The following NCKAP5 variants were observed in gnomAD, a reference collection of about 807,000 sequenced individuals.
The protein encoded by NCKAP5 is nck-associated protein 5.
A neutral mutation model predicts 167.0 loss-of-function variants in NCKAP5; 92 were observed. The observed-to-expected ratio is 0.55, with a 90% CI of 0.47 to 0.66. NCKAP5 has a LOEUF of 0.66. NCKAP5 is among the 30% of genes least tolerant of loss of function. The pLI, the probability that NCKAP5 is intolerant of heterozygous loss-of-function variation, is 0.00. For synonymous variants in NCKAP5, 891 were observed against 877.4 expected, an observed-to-expected ratio of 1.02 and a Z score of -0.27; for missense variants, 2,378 against 2,315.0, an observed-to-expected ratio of 1.03 and a Z score of -0.56.
chr2:133,157,291 T>G (rs1217355658), intron 5 of NCKAP5, among the ~76,000 whole-genome samples: 1 of 152,164 alleles, frequency 6.6e-6, no homozygotes, highest in Admixed American at 6.6e-5. Flanking sequence ...ATTGGAACAG[T>G]GCAATAATAA....
At chr2:133,129,269 C>T (rs1230803483) in intron 6 of NCKAP5, among the ~76,000 whole-genome samples, 10 of 151,956 alleles carry the variant, frequency 6.6e-5, no homozygotes, top group African/African-American at 1.7e-4. Flanking sequence ...CAACAGTCCC[C>T]GGAGTGTGAT....
intron 8 of NCKAP5, among the ~76,000 whole-genome samples, chr2:132,926,585 GATAAT>G (rs1695913179): frequency 1.3e-5 from 2 of 152,208 alleles, no homozygotes; most frequent in Admixed American, 1.3e-4. Context: ...ATGAATATAA[GATAAT>G]ATCTCATTGT....
At chr2:132,814,248 C>T (rs896016662) in intron 11 of NCKAP5, among the ~76,000 whole-genome samples, 1 of 152,136 alleles carries the variant, frequency 6.6e-6, no homozygotes, top group Non-Finnish European at 1.5e-5. Context: ...GTAGCTTTAT[C>T]CCCAAAGCAG....
intron 2 of NCKAP5, among the ~76,000 whole-genome samples, chr2:133,539,962 T>C (rs1289544504): frequency 2.0e-5 from 3 of 152,090 alleles, no homozygotes; most frequent in African/African-American, 4.8e-5. Flanking sequence ...AGGCAGATCA[T>C]GAGGTCAGGA....
chr2:132,974,879 AC>A (rs1230619529), intron 7 of NCKAP5, among the ~76,000 whole-genome samples: 1 of 152,234 alleles, frequency 6.6e-6, no homozygotes, highest in Non-Finnish European at 1.5e-5. Context: ...AAACATAAAC[AC>A]ATACCATAAT....
At chr2:133,163,633 T>G (rs1455265648) in intron 5 of NCKAP5, among the ~76,000 whole-genome samples, 1 of 152,214 alleles carries the variant, frequency 6.6e-6, no homozygotes, top group Non-Finnish European at 1.5e-5. Flanking sequence ...AATTCAGAGA[T>G]GCTGAGATGG....
intron 19 of NCKAP5, among the ~76,000 whole-genome samples, chr2:132,725,028 G>C (rs1690313355): frequency 6.6e-6 from 1 of 152,200 alleles, no homozygotes; most frequent in Non-Finnish European, 1.5e-5. Context: ...GAATGAATTA[G>C]AAGAAAAGCA....
At chr2:133,350,505 T>C (rs780509472) in intron 3 of NCKAP5, among the ~76,000 whole-genome samples, 1 of 152,170 alleles carries the variant, frequency 6.6e-6, no homozygotes, top group African/African-American at 2.4e-5. Flanking sequence ...TAGCTTCCCA[T>C]CACTCTTAGA....
intron 4 of NCKAP5, among the ~76,000 whole-genome samples, chr2:133,299,430 T>C (rs1311207196): frequency 1.3e-5 from 2 of 151,782 alleles, no homozygotes; most frequent in African/African-American, 4.8e-5. Flanking sequence ...GAGAGCACTC[T>C]CCCCATGCCG....
At chr2:133,331,096 A>G (rs1682824419) in intron 3 of NCKAP5, among the ~76,000 whole-genome samples, 1 of 152,204 alleles carries the variant, frequency 6.6e-6, no homozygotes, top group South Asian at 2.1e-4. Flanking sequence ...AGTTTTAGGT[A>G]AAAGAATAAA....
chr2:133,453,120 T>C (rs1337291124), intron 3 of NCKAP5, among the ~76,000 whole-genome samples: 1 of 152,156 alleles, frequency 6.6e-6, no homozygotes, highest in African/African-American at 2.4e-5. Flanking sequence ...AAGTGTTTTA[T>C]TGTCTTTATC....
intron 3 of NCKAP5, among the ~76,000 whole-genome samples, chr2:133,437,082 G>A (rs191914201): frequency 2.6e-5 from 4 of 152,168 alleles, no homozygotes; most frequent in Non-Finnish European, 4.4e-5. Context: ...TGCTGGGCAC[G>A]GTGACTCACT....
At position 133,362,031 on chromosome 2, in the gene NCKAP5, A is replaced by G. The variant is rs561360696; in HGVS notation, c.70-58921T>C. Among the ~76,000 whole-genome samples the G allele has an allele frequency of 7.2e-5, 11 of 152,324 alleles. No homozygotes were observed. The South Asian group carries it at 2.3e-3, about 32-fold the overall frequency. On this transcript the variant is annotated intron_variant, in intron 3 of 19. Coordinates refer to ENST00000409261, the MANE Select transcript of NCKAP5 (RefSeq NM_207363.3). ...AAAAATGAAAAAAAAAACAGTGTAA[A>G]AAAGTCTAGAGTATGCTGTGGCTTA...
At chr2:133,451,865 T>C (rs930798076) in intron 3 of NCKAP5, among the ~76,000 whole-genome samples, 1 of 152,192 alleles carries the variant, frequency 6.6e-6, no homozygotes, top group Non-Finnish European at 1.5e-5. Context: ...GAAGGAGTGA[T>C]GGGAACTTCA....
intron 4 of NCKAP5, among the ~76,000 whole-genome samples, chr2:133,275,519 AC>A (rs2089688154): frequency 6.6e-6 from 1 of 152,102 alleles, no homozygotes; most frequent in Non-Finnish European, 1.5e-5. Flanking sequence ...ATGCAATAAA[AC>A]AAATTATTTA....
chr2:133,376,523 T>A (rs1410241440), intron 3 of NCKAP5, among the ~76,000 whole-genome samples: 1 of 152,180 alleles, frequency 6.6e-6, no homozygotes, highest in Non-Finnish European at 1.5e-5. Context: ...CTTTATCAAC[T>A]TTCACTGAGA....
At chr2:133,402,419 G>C (rs1311667537) in intron 3 of NCKAP5, among the ~76,000 whole-genome samples, 1 of 152,158 alleles carries the variant, frequency 6.6e-6, no homozygotes, top group Non-Finnish European at 1.5e-5. Context: ...TTACAGATAA[G>C]AGATAGAGGT....
At chr2:133,238,588 C>T (rs567134324) in intron 4 of NCKAP5, among the ~76,000 whole-genome samples, 1 of 152,292 alleles carries the variant, frequency 6.6e-6, no homozygotes, top group South Asian at 2.1e-4. Flanking sequence ...TTTGTCTAGT[C>T]TCTCCTAAAC....
intron 3 of NCKAP5, among the ~76,000 whole-genome samples, chr2:133,514,814 T>C (rs550848688): frequency 8.1e-4 from 123 of 152,268 alleles, no homozygotes; most frequent in African/African-American, 2.7e-3. Context: ...TGTTCTACTT[T>C]TGGTGTAATC....
Sources: allele counts gnomAD v4.1 joint callset (sites outside exome capture counted in the v4.1 genomes callset), GRCh38; gene constraint gnomAD v4.1.1; transcripts MANE v1.5; gene names NCBI Gene and HGNC (gene_info 2026-07-23, HGNC 2026-07-21).